Variants in SDHAF4 observed in about 807,000 individuals in gnomAD.
SDHAF4 encodes succinate dehydrogenase complex assembly factor 4.
In SDHAF4, 14 loss-of-function variants were observed where a neutral mutation model predicts 14.3. That is an observed-to-expected ratio of 0.98 (90% confidence interval 0.65 to 1.53). The LOEUF is 1.53. Ranked by LOEUF, SDHAF4 falls within the 40% of genes most tolerant of loss-of-function variation. SDHAF4 has a pLI of 0.00. For synonymous variants in SDHAF4, 63 were observed against 47.3 expected, an observed-to-expected ratio of 1.33 and a Z score of -1.36; for missense variants, 141 against 129.3, an observed-to-expected ratio of 1.09 and a Z score of -0.44.
chr6:70,588,685 T>G lies in SDHAF4; in HGVS notation c.288T>G (p.Tyr96Ter). ...GGPRGPEPTRYGDWERKGRCI... is the reference protein window; with the variant it reads ...GGPRGPEPTR The stretch of plus-strand genomic sequence containing the variant: ...CCAGGGGCCCAGAACCTACCCGATA[T>G]GGAGATTGGGAACGAAAAGGACGCT... The change falls in exon 3 of 3, where the codon TAT (tyrosine) becomes TAG (stop). Residue 96 changes from tyrosine to a stop codon, truncating the protein, a stop_gained. Transcript: ENST00000370474. LOFTEE classifies it high-confidence loss of function. 1 of 1,606,574 alleles carries G rather than the reference T, an allele frequency of 6.2e-7. No individual in the cohort carries two copies. The highest frequency in any genetic ancestry group is 8.5e-7 in the Non-Finnish European group (1 of 1,175,030).
chr6:70,579,018 C>T (rs1453547301), intron 1 of SDHAF4, among the ~76,000 whole-genome samples: 1 of 152,090 alleles, frequency 6.6e-6, no homozygotes, highest in Non-Finnish European at 1.5e-5. Flanking sequence ...AAAAGAGGAC[C>T]TTGATTAGGA....
chr6:70,568,214 A>G (rs772749324), intron 1 of SDHAF4, among the ~76,000 whole-genome samples: 5 of 152,186 alleles, frequency 3.3e-5, no homozygotes, highest in African/African-American at 4.8e-5. Context: ...AATAACGTTA[A>G]AATTTTGTAG....
downstream of SDHAF4, among the ~76,000 whole-genome samples, chr6:70,591,112 T>C (rs1765254443): frequency 6.6e-6 from 1 of 152,080 alleles, no homozygotes; most frequent in Non-Finnish European, 1.5e-5. Context: ...GTTCACCAGT[T>C]CCAATGCTAA....
chr6:70,588,844 T>TATATATATAG lies in SDHAF4; in HGVS notation c.*129_*130insGATATATATA. On this transcript the variant is annotated 3_prime_UTR_variant, in exon 3 of 3. Transcript: ENST00000370474. ...GTGTAGTTTGTATAATGTGTTTAAA[T>TATATATATAG]ATATATATATATGATGGCTTTGGAA... The TATATATATAG allele has an allele frequency of 9.9e-6, 3 of 303,854 alleles. No individual in the cohort carries two copies. The highest frequency in any genetic ancestry group is 2.3e-5 in the African/African-American group (1 of 44,166). The allele number at this position is 303,854 out of a possible 1,614,324, so 18.8% of individuals were successfully genotyped here.
intron 1 of SDHAF4, among the ~76,000 whole-genome samples, chr6:70,578,594 T>TGTG (rs1554182996): frequency 1.3e-5 from 2 of 151,836 alleles, no homozygotes; most frequent in African/African-American, 4.8e-5. Context: ...CATTTGTCAA[T>TGTG]TTGTTGTTGT....
intron 2 of SDHAF4, among the ~76,000 whole-genome samples, chr6:70,582,107 TGTC>T (rs1287060529): frequency 6.6e-6 from 1 of 152,226 alleles, no homozygotes; most frequent in Non-Finnish European, 1.5e-5. Context: ...AGTCTCACTC[TGTC>T]ACCCAGGCTG....
chr6:70,579,589 C>A, intron 2 of SDHAF4, 23 bp downstream of exon 2: 1 of 1,549,034 alleles, frequency 6.5e-7, no homozygotes, highest in Non-Finnish European at 8.7e-7. Flanking sequence ...AAGCACCTCT[C>A]AGTTTTTGAA....
At chr6:70,571,752 A>C (rs1010235979) in intron 1 of SDHAF4, among the ~76,000 whole-genome samples, 4 of 152,192 alleles carry the variant, frequency 2.6e-5, no homozygotes, top group African/African-American at 4.8e-5. Context: ...CTCACCTGCA[A>C]AACTGTCTAG....
At chr6:70,598,150 G>A in the SDHAF4 span, among the ~76,000 whole-genome samples, 1 of 152,130 alleles carries the variant, frequency 6.6e-6, no homozygotes, top group African/African-American at 2.4e-5. Context: ...GGCCGAGGTG[G>A]GTGGATCCCT....
intron 2 of SDHAF4, among the ~76,000 whole-genome samples, chr6:70,584,893 TG>T (rs1183881301): frequency 1.3e-5 from 2 of 151,906 alleles, no homozygotes; most frequent in African/African-American, 4.8e-5. Flanking sequence ...GAGAGAGAGA[TG>T]AAACTATGAA....
intron 2 of SDHAF4, 81 bp from the exon 3 acceptor site, chr6:70,588,534 A>T: frequency 1.6e-6 from 1 of 634,352 alleles, no homozygotes; most frequent in South Asian, 2.4e-5. Flanking sequence ...AATAATAAAT[A>T]AATAAATTAA....
chr6:70,574,851 C>T (rs1802231238), intron 1 of SDHAF4, among the ~76,000 whole-genome samples: 1 of 152,110 alleles, frequency 6.6e-6, no homozygotes, highest in Non-Finnish European at 1.5e-5. Context: ...TGGTTTGAGT[C>T]CAGGAGATCA....
the SDHAF4 span, chr6:70,596,464 T>A: frequency 6.6e-6 from 1 of 152,236 alleles, no homozygotes; most frequent in African/African-American, 2.4e-5. Flanking sequence ...CCCTCCTTCA[T>A]AATTCACAGA....
At chr6:70,593,136 T>C (rs558169205), downstream of SDHAF4, among the ~76,000 whole-genome samples, 1 of 152,240 alleles carries the variant, frequency 6.6e-6, no homozygotes, top group South Asian at 2.1e-4. Context: ...AAGGTCCAAG[T>C]TGTAAATCTT....
In SDHAF4 at chr6:70,573,287, G is replaced by A. The variant is rs1377147838; in HGVS notation, c.65-6127G>A. Among the ~76,000 whole-genome samples, 57 of 65,392 alleles carry A rather than the reference G, an allele frequency of 8.7e-4. No homozygotes were observed. In the African/African-American group the frequency reaches 0.013, roughly 15 times the overall value. The allele number at this position is 65,392 out of a possible 152,430, so 42.9% of individuals were successfully genotyped here. A position where few individuals can be genotyped will look rare whatever the true frequency, so the allele number is the denominator to read the frequency against. ...GCCTTTTTTTTTTTTTTTTTGAGAC[G>A]GAATCTCACTCTGTCGCCCAGGCTG... On this transcript the variant is annotated intron_variant, in intron 1 of 2. Coordinates refer to ENST00000370474, the MANE Select transcript of SDHAF4 (RefSeq NM_145267.3).
At chr6:70,576,108 T>C (rs1486839349) in intron 1 of SDHAF4, among the ~76,000 whole-genome samples, 1 of 152,206 alleles carries the variant, frequency 6.6e-6, no homozygotes, top group Non-Finnish European at 1.5e-5. Flanking sequence ...AAGCTACTTG[T>C]ATGTGCTTCA....
At chr6:70,593,182 G>C (rs1467063294), downstream of SDHAF4, among the ~76,000 whole-genome samples, 1 of 152,246 alleles carries the variant, frequency 6.6e-6, no homozygotes, top group Non-Finnish European at 1.5e-5. Context: ...GGTCTCAGAT[G>C]CTGCTCATGC....
rs199743679 is a variant in SDHAF4, at chr6:70,566,967, G to A, written c.27G>A (p.Leu9=). 7 of 1,592,602 alleles carry A rather than the reference G, an allele frequency of 4.4e-6. No homozygotes were observed. Among genetic ancestry groups the A allele is most frequent in the Non-Finnish European group, 4.3e-6 (5 of 1,169,806 alleles). The change falls in exon 1 of 3, where the codon TTG becomes TTA. Residue 9 remains leucine, a synonymous_variant. Transcript: ENST00000370474. ...TGACCCCATCGAGGCTTCCCTGGTT[G>A]CTTAGCTGGGTCTCGGCCACGGCGT... MTPSRLPW[L]LSWVSATAWR... is the part of the protein sequence containing the mutation.
At chr6:70,579,772 T>C (rs572163373) in intron 2 of SDHAF4, among the ~76,000 whole-genome samples, 2 of 152,230 alleles carry the variant, frequency 1.3e-5, no homozygotes, top group Non-Finnish European at 2.9e-5. Context: ...CTGACAGGTA[T>C]TTGATTGTGT....
Sources: gnomAD v4.1 joint callset for allele counts (sites outside exome capture counted in the v4.1 genomes callset) on GRCh38, gnomAD v4.1.1 for gene constraint, MANE v1.5 for transcripts, NCBI Gene and HGNC (gene_info 2026-07-23, HGNC 2026-07-21) for gene names.